HIBADH: variants seen among roughly 807,000 people sequenced by gnomAD.
HIBADH encodes the protein 3-hydroxyisobutyrate dehydrogenase, mitochondrial.
In HIBADH, 25 loss-of-function variants were observed where a neutral mutation model predicts 36.1. That is an observed-to-expected ratio of 0.69 (90% CI 0.50 to 0.97). The LOEUF (loss-of-function observed/expected upper bound fraction) is 0.97. HIBADH is among the 50% of genes least tolerant of loss of function. The pLI is 0.00. For synonymous variants in HIBADH, 160 were observed against 149.5 expected, an observed-to-expected ratio of 1.07 and a Z score of -0.51; for missense variants, 421 against 418.0, an observed-to-expected ratio of 1.01 and a Z score of -0.06.
intron 4 of HIBADH, among the ~76,000 whole-genome samples, chr7:27,598,806 T>A (rs1482405755): frequency 6.6e-6 from 1 of 151,964 alleles, no homozygotes; most frequent in Non-Finnish European, 1.5e-5. Flanking sequence ...TCTTTTCCCC[T>A]CTTCCTCACC....
chr7:27,656,972 C>T (rs1401286898), intron 1 of HIBADH, among the ~76,000 whole-genome samples: 1 of 152,142 alleles, frequency 6.6e-6, no homozygotes, highest in East Asian at 1.9e-4. Context: ...CCCGTAGATC[C>T]GAGGTCAAGT....
Position 27,632,337 on chromosome 7 carries a change from T to C in HIBADH, c.361A>G (p.Lys121Glu), listed in dbSNP as rs757066876. The C allele has an allele frequency of 6.3e-7, 1 of 1,578,220 alleles. No individual in the cohort carries two copies. Among genetic ancestry groups the C allele is most frequent in the East Asian group, 2.2e-5 (1 of 44,686 alleles). The change falls in exon 3 of 8, where the codon AAA becomes GAA. Residue 121 changes from lysine to glutamate, a missense_variant and splice_region_variant. Transcript: ENST00000265395. ...TATCCACAGGTGAGAAATACATACT[T>C]TAGAATCCCATTTGCTCCGGAATAA... ...EAYSGANGILKKVKKGSLLID... is the reference protein window; with the variant it reads ...EAYSGANGILEKVKKGSLLID...
chr7:27,634,507 G>A (rs916038435), intron 2 of HIBADH, among the ~76,000 whole-genome samples: 12 of 152,090 alleles, frequency 7.9e-5, no homozygotes, highest in Admixed American at 6.5e-4. Flanking sequence ...AGTTGTAGTA[G>A]TCATACTTCT....
At chr7:27,614,634 T>C (rs1378925605) in intron 4 of HIBADH, among the ~76,000 whole-genome samples, 1 of 152,220 alleles carries the variant, frequency 6.6e-6, no homozygotes, top group Non-Finnish European at 1.5e-5. Flanking sequence ...TTTCATACTA[T>C]CATTGTTGCT....
intron 3 of HIBADH, among the ~76,000 whole-genome samples, chr7:27,631,458 T>C (rs1228990641): frequency 6.6e-6 from 1 of 152,236 alleles, no homozygotes; most frequent in African/African-American, 2.4e-5. Flanking sequence ...CCCTTTCTTT[T>C]AGCCCTTCTT....
At chr7:27,584,786 G>A (rs549458334) in intron 4 of HIBADH, among the ~76,000 whole-genome samples, 8 of 152,096 alleles carry the variant, frequency 5.3e-5, no homozygotes, top group African/African-American at 1.9e-4. Flanking sequence ...AACATTAAGT[G>A]GAATGCTTTA....
intron 4 of HIBADH, among the ~76,000 whole-genome samples, chr7:27,576,822 G>C (rs957825134): frequency 1.3e-5 from 2 of 151,854 alleles, no homozygotes; most frequent in Non-Finnish European, 2.9e-5. Context: ...GGGTGTTTGG[G>C]GTATTTTATT....
intron 4 of HIBADH, among the ~76,000 whole-genome samples, chr7:27,618,424 T>C (rs998572107): frequency 1.3e-5 from 2 of 152,126 alleles, no homozygotes; most frequent in African/African-American, 2.4e-5. Flanking sequence ...ACAACCAGTA[T>C]CGCAGCCACC....
intron 6 of HIBADH, among the ~76,000 whole-genome samples, chr7:27,534,702 T>C (rs1784048561): frequency 6.6e-6 from 1 of 151,960 alleles, no homozygotes; most frequent in Non-Finnish European, 1.5e-5. Context: ...AGACAGGTAA[T>C]AAACAGACAA....
At chr7:27,629,754 G>T (rs1444423967) in intron 3 of HIBADH, among the ~76,000 whole-genome samples, 3 of 152,084 alleles carry the variant, frequency 2.0e-5, no homozygotes, top group Admixed American at 2.0e-4. Flanking sequence ...TATAAATTCT[G>T]ATTTCAGATG....
intron 4 of HIBADH, among the ~76,000 whole-genome samples, chr7:27,608,947 A>G (rs936366089): frequency 6.6e-6 from 1 of 152,212 alleles, no homozygotes; most frequent in Non-Finnish European, 1.5e-5. Context: ...CCCCTCTACC[A>G]CAGAATAGAG....
At chr7:27,621,870 A>T (rs1290499824) in intron 4 of HIBADH, among the ~76,000 whole-genome samples, 1 of 152,144 alleles carries the variant, frequency 6.6e-6, no homozygotes. Context: ...TACAAAGAAG[A>T]ATTCTACAAA....
intron 4 of HIBADH, among the ~76,000 whole-genome samples, chr7:27,613,695 G>T (rs1355777726): frequency 1.4e-5 from 2 of 140,174 alleles, no homozygotes; most frequent in Non-Finnish European, 1.5e-5. Flanking sequence ...GTCTCACTCT[G>T]TCACCCAGGC....
At chr7:27,535,604 C>T (rs1784060718) in intron 6 of HIBADH, among the ~76,000 whole-genome samples, 2 of 152,074 alleles carry the variant, frequency 1.3e-5, no homozygotes, top group Non-Finnish European at 2.9e-5. Flanking sequence ...ATGTGATACA[C>T]AGGAACAAAA....
chr7:27,598,522 G>C lies in HIBADH; in HGVS notation c.484+30849C>G, dbSNP rs763832531. Among the ~76,000 whole-genome samples, 4 of 152,136 alleles carry C rather than the reference G, an allele frequency of 2.6e-5. No individual in the cohort carries two copies. In the East Asian group the frequency reaches 5.8e-4, roughly 22 times the overall value. ...TTATTGCTGGTCTGCTTGTGGACTT[G>C]TTTGCTTAATGGTTTGAATACTATG... On this transcript the variant is annotated intron_variant, in intron 4 of 7. Coordinates refer to ENST00000265395, the MANE Select transcript of HIBADH (RefSeq NM_152740.4).
chr7:27,619,356 G>A (rs1156839332), intron 4 of HIBADH, among the ~76,000 whole-genome samples: 1 of 152,144 alleles, frequency 6.6e-6, no homozygotes, highest in Non-Finnish European at 1.5e-5. Context: ...GGAAGAGACT[G>A]TTACACCAGA....
chr7:27,559,412 A>T (rs1784434977), intron 4 of HIBADH, among the ~76,000 whole-genome samples: 1 of 152,170 alleles, frequency 6.6e-6, no homozygotes, highest in Admixed American at 6.5e-5. Context: ...GCTTGAGGCC[A>T]GGAGTTCGAG....
intron 2 of HIBADH, among the ~76,000 whole-genome samples, chr7:27,639,601 A>T (rs1324669100): frequency 1.3e-5 from 2 of 152,214 alleles, no homozygotes; most frequent in African/African-American, 4.8e-5. Flanking sequence ...GTTAAAAAAC[A>T]TCAACTGCAA....
At chr7:27,599,361 T>A (rs764779742) in intron 4 of HIBADH, among the ~76,000 whole-genome samples, 12 of 152,196 alleles carry the variant, frequency 7.9e-5, no homozygotes, top group Non-Finnish European at 1.8e-4. Flanking sequence ...TTGTTTTAAA[T>A]CCTTTGTATT....
Sources: gnomAD v4.1 joint callset for allele counts (sites outside exome capture counted in the v4.1 genomes callset) on GRCh38, gnomAD v4.1.1 for gene constraint, MANE v1.5 for transcripts, NCBI Gene and HGNC (gene_info 2026-07-23, HGNC 2026-07-21) for gene names.